The following EPHA3 variants were observed in gnomAD, a reference collection of about 807,000 sequenced individuals.
EPHA3 encodes the protein EPH receptor A3.
EPHA3 carries 42 observed loss-of-function variants against 107.1 expected under a neutral mutation model. The ratio of observed to expected loss-of-function variants is 0.39; its 90% CI spans 0.31 to 0.51. The LOEUF is 0.51. Ranked by LOEUF, EPHA3 falls within the 20% of genes least tolerant of loss-of-function variation. EPHA3 has a pLI of 0.78. For synonymous variants in EPHA3, 461 were observed against 424.8 expected, an observed-to-expected ratio of 1.09 and a Z score of -1.05; for missense variants, 1,183 against 1,211.2, an observed-to-expected ratio of 0.98 and a Z score of 0.35.
At chr3:89,175,883 C>T (rs1705310779) in intron 2 of EPHA3, among the ~76,000 whole-genome samples, 2 of 152,080 alleles carry the variant, frequency 1.3e-5, no homozygotes, top group African/African-American at 4.8e-5. Flanking sequence ...GACTGAATTC[C>T]TCCTTCTGAT....
chr3:89,248,466 G>T (rs2107258653), intron 3 of EPHA3, among the ~76,000 whole-genome samples: 1 of 152,186 alleles, frequency 6.6e-6, no homozygotes, highest in South Asian at 2.1e-4. Context: ...CCAGAACTTT[G>T]TCTTCATTTT....
chr3:89,438,566 C>A (rs1454038539), intron 13 of EPHA3, among the ~76,000 whole-genome samples: 5 of 151,586 alleles, frequency 3.3e-5, no homozygotes, highest in African/African-American at 1.2e-4. Context: ...TTTCAAGAAC[C>A]AAAAAAACCA....
intron 3 of EPHA3, among the ~76,000 whole-genome samples, chr3:89,217,775 G>A (rs1483418200): frequency 1.3e-5 from 2 of 152,152 alleles, no homozygotes; most frequent in African/African-American, 4.8e-5. Context: ...AACAGCTGTG[G>A]CTTTTTTAAC....
At chr3:89,441,018 A>T (rs1401131215) in intron 13 of EPHA3, among the ~76,000 whole-genome samples, 1 of 152,232 alleles carries the variant, frequency 6.6e-6, no homozygotes, top group Non-Finnish European at 1.5e-5. Context: ...TGTTAGATAA[A>T]ACTGAATGTA....
chr3:89,410,021 G>A (rs1022450935), intron 9 of EPHA3, among the ~76,000 whole-genome samples: 26 of 151,932 alleles, frequency 1.7e-4, no homozygotes, highest in African/African-American at 6.3e-4. Context: ...TCTGTATGTT[G>A]CCCTTAATTA....
chr3:89,161,403 A>G (rs7651080), intron 2 of EPHA3, among the ~76,000 whole-genome samples: 3,544 of 152,292 alleles, frequency 0.023, 58 homozygotes, highest in Non-Finnish European at 0.039. Flanking sequence ...TACATAGTAT[A>G]AATATAACAC....
chr3:89,357,601 A>G lies in EPHA3; in HGVS notation c.1306+15511A>G, dbSNP rs930924976. ...AATGAAGTACATGTTATGGATATTTATACAGATTTTCAACATATCAAAGAA... is the reference window on the plus strand; with the variant it reads ...AATGAAGTACATGTTATGGATATTTGTACAGATTTTCAACATATCAAAGAA... On this transcript the variant is annotated intron_variant, in intron 5 of 16. Transcript: ENST00000336596. 6.6e-5 allele frequency among the ~76,000 whole-genome samples: 10 copies of G among 151,486 alleles called. 1 individual carries two copies. Among genetic ancestry groups the G allele is most frequent in the Middle Eastern group, 3.4e-3 (1 of 294 alleles).
At position 89,278,470 on chromosome 3, in the gene EPHA3, C is replaced by T. The variant is rs74903604; in HGVS notation, c.815-62446C>T. ...GGCTCCCTTTGCTCTCAGTGTCTGC[C>T]GTTGCTAAACAATCCAGTGTTTCAT... On this transcript the variant is annotated intron_variant, in intron 3 of 16. Transcript: ENST00000336596. Among the ~76,000 whole-genome samples the T allele has an allele frequency of 4.5e-3, 689 of 152,156 alleles. 4 individuals are homozygous for T. The highest frequency in any genetic ancestry group is 0.012 in the African/African-American group (509 of 41,524).
rs56175540 is a variant in EPHA3, at chr3:89,431,257, T to C, written c.2244T>C (p.Ala748=). 9 of 1,613,912 alleles carry C rather than the reference T, an allele frequency of 5.6e-6. No individual in the cohort carries two copies. The East Asian group carries it at 1.6e-4, about 28-fold the overall frequency. Residue 748 remains alanine (A), a synonymous_variant, in exon 13 of 17, where the codon GCT becomes GCC. Coordinates refer to ENST00000336596, the MANE Select transcript of EPHA3 (RefSeq NM_005233.6). ...TGGGCTATGTTCACCGAGACCTCGCTGCTCGGAACATCTTGATCAACAGTA... is the reference window on the plus strand; with the variant it reads ...TGGGCTATGTTCACCGAGACCTCGCCGCTCGGAACATCTTGATCAACAGTA... ...SDMGYVHRDL[A]ARNILINSNL... is the part of the protein sequence containing the mutation.
intron 5 of EPHA3, among the ~76,000 whole-genome samples, chr3:89,354,879 T>G (rs1707910602): frequency 6.6e-6 from 1 of 151,058 alleles, no homozygotes; most frequent in Non-Finnish European, 1.5e-5. Flanking sequence ...TTGCACAAAA[T>G]CTAAGTAAGG....
At chr3:89,373,323 TC>T (rs1158213605) in intron 5 of EPHA3, among the ~76,000 whole-genome samples, 3 of 151,870 alleles carry the variant, frequency 2.0e-5, no homozygotes, top group Non-Finnish European at 2.9e-5. Context: ...TTGAACTGAA[TC>T]CTTAGGCAAG....
chr3:89,330,297 G>A (rs1218811704), intron 3 of EPHA3, among the ~76,000 whole-genome samples: 3 of 151,936 alleles, frequency 2.0e-5, no homozygotes, highest in Non-Finnish European at 2.9e-5. Flanking sequence ...CCTGATAAAT[G>A]TCTGTCTGCC....
chr3:89,186,339 C>A (rs1239583497), intron 2 of EPHA3, among the ~76,000 whole-genome samples: 1 of 151,804 alleles, frequency 6.6e-6, no homozygotes, highest in South Asian at 2.1e-4. Flanking sequence ...TATAATGATA[C>A]AATCTGTAAC....
chr3:89,311,276 T>G (rs1706760415), intron 3 of EPHA3, among the ~76,000 whole-genome samples: 1 of 152,080 alleles, frequency 6.6e-6, no homozygotes, highest in African/African-American at 2.4e-5. Flanking sequence ...CATTTCCCTT[T>G]GTTCTCCTAA....
chr3:89,476,063 A>G (rs1710498272), intron 16 of EPHA3, among the ~76,000 whole-genome samples: 1 of 147,922 alleles, frequency 6.8e-6, no homozygotes, highest in Non-Finnish European at 1.5e-5. Context: ...AATCATTTGC[A>G]TTAAGTAAAA....
At chr3:89,166,891 A>C (rs1360244021) in intron 2 of EPHA3, among the ~76,000 whole-genome samples, 1 of 152,178 alleles carries the variant, frequency 6.6e-6, no homozygotes, top group African/African-American at 2.4e-5. Flanking sequence ...GCAACCCAGC[A>C]AGTATGATGT....
At chr3:89,211,780 T>A (rs1576234953) in intron 3 of EPHA3, among the ~76,000 whole-genome samples, 1 of 145,288 alleles carries the variant, frequency 6.9e-6, no homozygotes, top group Non-Finnish European at 1.5e-5. Context: ...CTTCTTCTTC[T>A]TCTTCTTCTT....
intron 2 of EPHA3, among the ~76,000 whole-genome samples, chr3:89,129,242 G>A (rs913601639): frequency 1.6e-4 from 25 of 151,960 alleles, no homozygotes; most frequent in African/African-American, 6.0e-4. Context: ...TTTCTTCTTT[G>A]GTTTACTGTT....
chr3:89,399,711 G>A (rs1708918663), intron 7 of EPHA3: 6 of 1,225,798 alleles, frequency 4.9e-6, no homozygotes, highest in Non-Finnish European at 5.1e-6. Flanking sequence ...ATATTCTAAT[G>A]CCTGAAATGC....
Sources: allele counts gnomAD v4.1 joint callset (sites outside exome capture counted in the v4.1 genomes callset), GRCh38; gene constraint gnomAD v4.1.1; transcripts MANE v1.5; gene names NCBI Gene and HGNC (gene_info 2026-07-23, HGNC 2026-07-21).